The following MKNK1 variants were observed in gnomAD, a reference collection of about 807,000 sequenced individuals.
MKNK1 encodes the protein MAPK interacting serine/threonine kinase 1, also known as MAP kinase-interacting serine/threonine-protein kinase 1.
Under a neutral mutation model 49.3 loss-of-function variants are expected in MKNK1, and 30 were observed. The observed-to-expected ratio is 0.61, with a 90% CI of 0.46 to 0.83. The LOEUF is 0.83. Among genes scored for constraint, MKNK1 ranks in the 40% least tolerant of loss-of-function variants. MKNK1 has a pLI of 0.00. For missense variants in MKNK1, 423 were observed against 524.7 expected, an observed-to-expected ratio of 0.81 and a Z score of 1.89; for synonymous variants, 176 against 201.7, an observed-to-expected ratio of 0.87 and a Z score of 1.08.
chr1:46,586,254 ATTC>A (rs913411205), intron 2 of MKNK1: 8 of 295,934 alleles, frequency 2.7e-5, no homozygotes, highest in Admixed American at 4.2e-5. Context: ...TGGCCTAGGA[ATTC>A]TTCTTGGTCA....
chr1:46,573,242 G>A (rs1314875235), intron 6 of MKNK1, among the ~76,000 whole-genome samples: 4 of 152,148 alleles, frequency 2.6e-5, no homozygotes, highest in African/African-American at 4.8e-5. Context: ...CCCCCAGCAG[G>A]ACTTGTGGTC....
At chr1:46,558,900 C>A in intron 12 of MKNK1, 100 bp from the exon 13 acceptor site, 1 of 1,002,686 alleles carries the variant, frequency 1.0e-6, no homozygotes, top group East Asian at 2.5e-5. Context: ...CTCTACGCTC[C>A]CACCAGATTT....
chr1:46,588,611 T>C (rs1217364619), intron 2 of MKNK1, among the ~76,000 whole-genome samples: 1 of 151,946 alleles, frequency 6.6e-6, no homozygotes, highest in African/African-American at 2.4e-5. Flanking sequence ...ATCGAGACCA[T>C]CTTGGCTAAC....
chr1:46,573,276 C>T (rs74072635), intron 6 of MKNK1, among the ~76,000 whole-genome samples: 2,337 of 152,306 alleles, frequency 0.015, 67 homozygotes, highest in African/African-American at 0.052. Flanking sequence ...GATGGACTCT[C>T]TTGAGCCAAC....
Position 46,560,358 on chromosome 1 carries a change from A to G in MKNK1, c.970-81T>C, listed in dbSNP as rs754449018. 1.6e-4 allele frequency: 232 copies of G among 1,433,866 alleles called. No homozygotes were observed. In the Middle Eastern group the frequency reaches 1.8e-3, roughly 11 times the overall value. The allele number at this position is 1,433,866 out of a possible 1,614,324, so 88.8% of individuals were successfully genotyped here. Reference sequence around the variant, plus strand: ...TGCCCCACCCAAGCCAGCAGTGGGTAGGTTACTATAGGCTGCTGGCGCAGC... The same window carrying G: ...TGCCCCACCCAAGCCAGCAGTGGGTGGGTTACTATAGGCTGCTGGCGCAGC... On this transcript the variant is annotated intron_variant, in intron 11 of 12. Transcript: ENST00000371945.
At chr1:46,571,968 T>G in intron 7 of MKNK1, 95 bp downstream of exon 7, 2 of 1,124,368 alleles carry the variant, frequency 1.8e-6, no homozygotes, top group Non-Finnish European at 2.7e-6. Context: ...AGCCACACCA[T>G]CTCCTGCACC....
chr1:46,580,538 C>T lies in MKNK1; in HGVS notation c.190G>A (p.Ala64Thr). ...TCAGCTGAGACACTCACTTTGACGG[C>T]ATACTCTTTGCCATTCTGTAGGCTC... ...AVSLQNGKEY[A>T]VKIIEKQAGH... Residue 64 changes from alanine to threonine, a missense_variant, in exon 4 of 13, where the codon GCC becomes ACC. Physicochemically the swap from Ala to Thr is moderately conservative, Grantham distance 58. Coordinates refer to ENST00000371945, the MANE Select transcript of MKNK1 (RefSeq NM_001135553.4). 5 of 1,612,510 alleles carry T rather than the reference C, an allele frequency of 3.1e-6. No individual in the cohort carries two copies. Among genetic ancestry groups the T allele is most frequent in the Non-Finnish European group, 4.2e-6 (5 of 1,178,474 alleles).
intron 3 of MKNK1, 111 bp from the exon 4 acceptor site, chr1:46,580,738 A>G (rs2148686937): frequency 1.4e-6 from 1 of 720,020 alleles, no homozygotes; most frequent in Non-Finnish European, 2.5e-6. Flanking sequence ...CAGGCACCCA[A>G]TGACTCTAGC....
intron 7 of MKNK1, 188 bp from the exon 8 acceptor site, chr1:46,568,686 C>A: frequency 1.7e-6 from 1 of 603,486 alleles, no homozygotes; most frequent in Non-Finnish European, 2.9e-6. Context: ...GTTGATTCTG[C>A]GGGTTCTTTT....
intron 4 of MKNK1, among the ~76,000 whole-genome samples, chr1:46,579,397 T>G (rs1671434931): frequency 2.0e-5 from 3 of 152,198 alleles, no homozygotes; most frequent in Admixed American, 6.5e-5. Flanking sequence ...TTGGTGGCTA[T>G]GAGACTCAAG....
chr1:46,577,061 C>T (rs1053322922), intron 4 of MKNK1, among the ~76,000 whole-genome samples: 25 of 152,204 alleles, frequency 1.6e-4, no homozygotes, highest in African/African-American at 6.0e-4. Flanking sequence ...GAGGCTGATG[C>T]AGGACACCGT....
At position 46,589,511 on chromosome 1, in the gene MKNK1, G is replaced by A. The variant is rs1262107916; in HGVS notation, c.-3+4602C>T. ...ATGATAATAAATGTCTCCATTCCTAGGCATACGTTTATCTTGTTTTCTCCA... is the reference window on the plus strand; with the variant it reads ...ATGATAATAAATGTCTCCATTCCTAAGCATACGTTTATCTTGTTTTCTCCA... On this transcript the variant is annotated intron_variant, in intron 2 of 12. Transcript: ENST00000371945. The surrounding 1 kb of genome is among the most constrained non-coding windows in gnomAD (Gnocchi z 4.3). Among the ~76,000 whole-genome samples the A allele has an allele frequency of 1.3e-5, 2 of 152,204 alleles. No individual in the cohort carries two copies. Among genetic ancestry groups the A allele is most frequent in the Non-Finnish European group, 2.9e-5 (2 of 68,030 alleles).
intron 2 of MKNK1, among the ~76,000 whole-genome samples, chr1:46,586,900 C>T (rs1294454995): frequency 2.0e-5 from 3 of 152,190 alleles, no homozygotes; most frequent in Non-Finnish European, 4.4e-5. Context: ...CTCTGCCTCC[C>T]GGGTTCAAGC....
At chr1:46,579,271 C>T (rs573520417) in intron 4 of MKNK1, among the ~76,000 whole-genome samples, 1 of 152,276 alleles carries the variant, frequency 6.6e-6, no homozygotes, top group Admixed American at 6.5e-5. Context: ...TTCAGGAGCC[C>T]ACTGGGCTGG....
intron 7 of MKNK1, chr1:46,571,339 TTTGAG>T: frequency 2.1e-5 from 5 of 239,488 alleles, no homozygotes; most frequent in South Asian, 1.9e-4. Context: ...AGCCCAGGAG[TTTGAG>T]ACCAGCCTGG....
At position 46,561,504 on chromosome 1, in the gene MKNK1, C is replaced by G; in HGVS notation, c.943G>C (p.Val315Leu). ...DAKQRLSAAQ[V>L]LQHPWVQGQA... ...CCCTGCACCCATGGGTGCTGCAGAA[C>G]TTGGGCGGCGCTAAGTCTCTGCTTT... is the stretch of plus-strand genomic sequence containing the variant. Residue 315 changes from valine to leucine, a missense_variant, in exon 11 of 13, where the codon GTT (valine) becomes CTT (leucine). Val to Leu is a conservative substitution (Grantham distance 32). Transcript: ENST00000371945. The G allele has an allele frequency of 6.2e-7, 1 of 1,613,790 alleles. No individual in the cohort carries two copies. Among genetic ancestry groups the G allele is most frequent in the South Asian group, 1.1e-5 (1 of 91,040 alleles).
chr1:46,563,022 T>G, intron 9 of MKNK1, 179 bp from the exon 10 acceptor site: 1 of 563,412 alleles, frequency 1.8e-6, no homozygotes, highest in Non-Finnish European at 3.1e-6. Context: ...ATCTGCAGAC[T>G]GAGCTCCATC....
intron 8 of MKNK1, 171 bp downstream of exon 8, chr1:46,568,272 A>G (rs1669446402): frequency 1.6e-6 from 1 of 634,226 alleles, no homozygotes; most frequent in Non-Finnish European, 2.8e-6. Flanking sequence ...CGAAGAAAGG[A>G]CGAGGATGGG....
intron 2 of MKNK1, chr1:46,593,599 C>CT (rs1253851023): frequency 2.0e-5 from 3 of 152,906 alleles, no homozygotes; most frequent in African/African-American, 7.2e-5. Context: ...TGGCTCATGC[C>CT]TGTAATCCCA....
Sources: gnomAD v4.1 joint callset for allele counts (sites outside exome capture counted in the v4.1 genomes callset) on GRCh38, gnomAD v4.1.1 for gene constraint, Gnocchi (gnomAD v3.1) non-coding constraint, MANE v1.5 for transcripts, NCBI Gene and HGNC (gene_info 2026-07-23, HGNC 2026-07-21) for gene names.